Variants in IQCM observed in about 807,000 individuals in gnomAD.
IQCM encodes the protein IQ domain-containing protein M.
In IQCM, 45 loss-of-function variants were observed where a neutral mutation model predicts 57.6. The ratio of observed to expected loss-of-function variants is 0.78; its 90% confidence interval spans 0.62 to 1.00. IQCM has a LOEUF of 1.00. Ranked by LOEUF, IQCM falls within the 50% of genes least tolerant of loss-of-function variation. The pLI, the probability that IQCM is intolerant of heterozygous loss-of-function variation, is 0.00. For missense variants in IQCM, 468 were observed against 511.6 expected, an observed-to-expected ratio of 0.91 and a Z score of 0.82; for synonymous variants, 148 against 158.9, an observed-to-expected ratio of 0.93 and a Z score of 0.51.
chr4:149,355,823 A>T (rs1432333393), intron 13 of IQCM, among the ~76,000 whole-genome samples: 5 of 152,072 alleles, frequency 3.3e-5, no homozygotes, highest in Non-Finnish European at 5.9e-5. Context: ...TGCCACACTG[A>T]CTTCCACAAT....
intron 12 of IQCM, among the ~76,000 whole-genome samples, chr4:149,480,136 A>G (rs1331321556): frequency 6.6e-6 from 1 of 151,108 alleles, no homozygotes; most frequent in Non-Finnish European, 1.5e-5. Flanking sequence ...ACATAACATC[A>G]CTCTGATTTA....
At chr4:149,358,234 T>C (rs1258454211) in intron 13 of IQCM, among the ~76,000 whole-genome samples, 1 of 152,226 alleles carries the variant, frequency 6.6e-6, no homozygotes, top group Non-Finnish European at 1.5e-5. Context: ...GTTTTTTGTG[T>C]CTCTAGTTCC....
chr4:149,629,086 G>A (rs1458197506), intron 7 of IQCM, among the ~76,000 whole-genome samples: 1 of 152,160 alleles, frequency 6.6e-6, no homozygotes, highest in Non-Finnish European at 1.5e-5. Flanking sequence ...AAGAGAACTA[G>A]CAGTTCTTAC....
intron 12 of IQCM, among the ~76,000 whole-genome samples, chr4:149,460,803 G>A (rs1738194200): frequency 6.6e-6 from 1 of 151,986 alleles, no homozygotes; most frequent in Non-Finnish European, 1.5e-5. Flanking sequence ...GACAATAATT[G>A]GAAAATATTT....
intron 12 of IQCM, among the ~76,000 whole-genome samples, chr4:149,441,315 T>C (rs1465208072): frequency 1.3e-5 from 2 of 152,292 alleles, no homozygotes; most frequent in East Asian, 3.9e-4. Flanking sequence ...TCTCCATTTA[T>C]GGACCTGTGA....
chr4:149,606,916 T>C (rs1463676903), intron 8 of IQCM, among the ~76,000 whole-genome samples: 1 of 151,760 alleles, frequency 6.6e-6, no homozygotes, highest in Non-Finnish European at 1.5e-5. Flanking sequence ...ATCTAGCAAA[T>C]AGTCTCAAAG....
chr4:149,789,346 C>G (rs545117484), intron 2 of IQCM, among the ~76,000 whole-genome samples: 1 of 152,206 alleles, frequency 6.6e-6, no homozygotes, highest in South Asian at 2.1e-4. Flanking sequence ...TGAGATAACC[C>G]AAGGATCAGG....
intron 8 of IQCM, among the ~76,000 whole-genome samples, chr4:149,617,209 C>A (rs528066069): frequency 6.6e-6 from 1 of 152,114 alleles, no homozygotes. Context: ...CCTGCCTCAG[C>A]CTCCCATAGT....
intron 13 of IQCM, among the ~76,000 whole-genome samples, chr4:149,362,493 C>A (rs1269122222): frequency 3.3e-5 from 5 of 152,092 alleles, no homozygotes; most frequent in Admixed American, 3.3e-4. Flanking sequence ...CTTTCTTGTG[C>A]TATTCTCATG....
Position 149,351,987 on chromosome 4 carries a change from T to A in IQCM, c.1470A>T (p.Lys490Asn), listed in dbSNP as rs1191706535. ...KLVARSIRER[K>N]MRQHYKSCKV... ...TACATGACTTATAATGTTGTCTCAT[T>A]TTCCTTTCTCTTATGGATCGGGCCA... is the stretch of plus-strand genomic sequence containing the variant. The change falls in exon 14 of 14, where the codon AAA becomes AAT. Residue 490 changes from lysine (K) to asparagine (N), a missense_variant. Physicochemically the swap from Lys to Asn is moderately conservative, Grantham distance 94. Transcript: ENST00000636793. 1 of 398,862 alleles carries A rather than the reference T, an allele frequency of 2.5e-6. No homozygotes were observed. Among genetic ancestry groups the A allele is most frequent in the African/African-American group, 2.1e-5 (1 of 48,634 alleles). 24.7% of individuals were successfully genotyped at this position (398,862 alleles called of 1,614,324 possible). A position where few individuals can be genotyped will look rare whatever the true frequency, so the allele number is the denominator to read the frequency against.
intron 7 of IQCM, among the ~76,000 whole-genome samples, chr4:149,653,713 G>A (rs1048368614): frequency 4.6e-5 from 7 of 151,998 alleles, no homozygotes; most frequent in Admixed American, 2.6e-4. Context: ...GTCATACATC[G>A]AAATGTGGAC....
rs1471536850 is a variant in IQCM at position 149,792,707 on chromosome 4, G to A, written c.-49+22604C>T. Among the ~76,000 whole-genome samples, 6 of 152,116 alleles carry A rather than the reference G, an allele frequency of 3.9e-5. No individual in the cohort carries two copies. The East Asian group carries it at 9.7e-4, about 24-fold the overall frequency. ...GTATTCGACGTGTTTATAAACAGAA[G>A]CCATAATTAACTCCTATGCTTACTG... On this transcript the variant is annotated intron_variant, in intron 2 of 13. Transcript: ENST00000636793.
intron 2 of IQCM, among the ~76,000 whole-genome samples, chr4:149,762,847 T>A (rs1232045454): frequency 6.6e-6 from 1 of 152,068 alleles, no homozygotes; most frequent in Non-Finnish European, 1.5e-5. Context: ...ATTACTCTTA[T>A]AAGGAGTTCT....
chr4:149,701,641 G>A (rs186341400), intron 5 of IQCM, among the ~76,000 whole-genome samples: 113 of 151,992 alleles, frequency 7.4e-4, no homozygotes, highest in South Asian at 2.7e-3. Flanking sequence ...CACAGTTTTA[G>A]TGTCACTTTG....
At chr4:149,412,262 C>T (rs930045882) in intron 13 of IQCM, among the ~76,000 whole-genome samples, 1 of 152,008 alleles carries the variant, frequency 6.6e-6, no homozygotes, top group Admixed American at 6.6e-5. Context: ...CCACCCTGAG[C>T]CTAAGAAATT....
intron 7 of IQCM, among the ~76,000 whole-genome samples, chr4:149,644,705 C>T (rs570081118): frequency 2.6e-5 from 4 of 152,226 alleles, no homozygotes; most frequent in African/African-American, 7.2e-5. Flanking sequence ...GTGTGGTCCA[C>T]GGATTAGCAG....
intron 7 of IQCM, 58 bp downstream of exon 7, chr4:149,682,060 T>C: frequency 1.6e-6 from 1 of 644,570 alleles, no homozygotes; most frequent in Non-Finnish European, 2.2e-6. Context: ...TGCATTTAAA[T>C]GAATGCAAAA....
At chr4:149,752,354 C>G (rs936661333) in intron 2 of IQCM, among the ~76,000 whole-genome samples, 5 of 152,030 alleles carry the variant, frequency 3.3e-5, no homozygotes, top group African/African-American at 2.4e-5. Flanking sequence ...GAGTTCGAGA[C>G]CAGCCTGGCC....
intron 7 of IQCM, among the ~76,000 whole-genome samples, chr4:149,649,681 A>G (rs1758979000): frequency 6.6e-6 from 1 of 152,196 alleles, no homozygotes; most frequent in Non-Finnish European, 1.5e-5. Flanking sequence ...CCCACAAACT[A>G]AAACAAAGCA....
Sources: allele counts gnomAD v4.1 joint callset (sites outside exome capture counted in the v4.1 genomes callset), GRCh38; gene constraint gnomAD v4.1.1; transcripts MANE v1.5; gene names NCBI Gene and HGNC (gene_info 2026-07-23, HGNC 2026-07-21).